Variants in SYTL5 observed in about 807,000 individuals in gnomAD.
The protein encoded by SYTL5 is synaptotagmin-like protein 5.
A neutral mutation model predicts 55.9 loss-of-function variants in SYTL5; 34 were observed. The observed-to-expected ratio is 0.61, with a 90% CI of 0.46 to 0.81. The LOEUF (loss-of-function observed/expected upper bound fraction) is 0.81. Among genes scored for constraint, SYTL5 ranks in the 30% least tolerant of loss-of-function variants. The pLI, the probability that SYTL5 is intolerant of heterozygous loss-of-function variation, is 0.00. For synonymous variants in SYTL5, 221 were observed against 188.7 expected (o/e 1.17, Z -1.40); for missense variants, 637 against 546.7 (o/e 1.17, Z -1.65).
At chrX:37,948,353 G>C in the SYTL5 span, among the ~76,000 whole-genome samples, 1 of 109,672 alleles carries the variant, frequency 9.1e-6, no homozygotes, top group Non-Finnish European at 1.9e-5. Context: ...CTAAGCATTA[G>C]TTTTATGTTT....
In SYTL5 at chrX:38,120,377, T is replaced by C; in HGVS notation, c.1616T>C (p.Ile539Thr). 1 of 1,210,294 alleles carries C rather than the reference T, an allele frequency of 8.3e-7. No homozygotes were observed. The highest frequency in any genetic ancestry group is 1.1e-6 in the Non-Finnish European group (1 of 894,224). ...GGCCAGGTGGAGTTTGCTCCTGATA[T>C]TGGCCTTCAATACAAAGGAGAGCTG... ...LQPKVEFAPDIGLQYKGELTV... is the reference protein window; with the variant it reads ...LQPKVEFAPDTGLQYKGELTV... Residue 539 changes from isoleucine to threonine, a missense_variant, in exon 14 of 17, where the codon ATT becomes ACT. Ile to Thr is a moderately conservative substitution (Grantham distance 89, BLOSUM62 -1). Transcript: ENST00000297875.
the SYTL5 span, among the ~76,000 whole-genome samples, chrX:37,891,249 T>A: frequency 1.8e-5 from 2 of 112,277 alleles, no homozygotes; most frequent in Non-Finnish European, 3.8e-5. Context: ...AATTCATTAA[T>A]GTATAAATAA....
chrX:38,089,658 G>C, intron 7 of SYTL5, 71 bp downstream of exon 7: 2 of 1,058,424 alleles, frequency 1.9e-6, no homozygotes, highest in Non-Finnish European at 2.5e-6. Flanking sequence ...GCCAGAGATT[G>C]GGTAATTTAT....
At chrX:37,997,234 G>T in the SYTL5 span, among the ~76,000 whole-genome samples, 3 of 112,212 alleles carry the variant, frequency 2.7e-5, no homozygotes, top group Non-Finnish European at 3.8e-5. Flanking sequence ...ACACTTTGTG[G>T]AGCTGGTGGG....
chrX:38,066,158 A>T (rs1936095697), intron 3 of SYTL5, among the ~76,000 whole-genome samples: 1 of 111,900 alleles, frequency 8.9e-6, no homozygotes, highest in Non-Finnish European at 1.9e-5. Context: ...TTTCCTTATG[A>T]ATAATAGAAA....
At chrX:38,003,524 G>A (rs982803665), upstream of SYTL5, among the ~76,000 whole-genome samples, 14 of 111,369 alleles carry the variant, frequency 1.3e-4, no homozygotes, top group African/African-American at 3.3e-4. Flanking sequence ...TACAAGGGAC[G>A]TGAAGGACCT....
the SYTL5 span, chrX:37,994,253 A>C: frequency 8.9e-6 from 1 of 112,364 alleles, no homozygotes; most frequent in South Asian, 3.7e-4. Flanking sequence ...ATAGGGATAC[A>C]GTGGGTGGCA....
the SYTL5 span, among the ~76,000 whole-genome samples, chrX:37,910,967 C>T: frequency 9.7e-5 from 8 of 82,730 alleles, no homozygotes; most frequent in Admixed American, 2.6e-4. Flanking sequence ...GATAGCATTA[C>T]TTTTTTTTTT....
intron 10 of SYTL5, among the ~76,000 whole-genome samples, chrX:38,106,082 G>A (rs1442948282): frequency 8.9e-6 from 1 of 111,881 alleles, no homozygotes; most frequent in Non-Finnish European, 1.9e-5. Flanking sequence ...TGTTAAAGCT[G>A]TAGTTATGGC....
At position 38,089,073 on chromosome X, in the gene SYTL5, G is replaced by A. The variant is rs1251780164; in HGVS notation, c.690-373G>A. Among the ~76,000 whole-genome samples the A allele has an allele frequency of 5.3e-5, 6 of 112,318 alleles. No individual in the cohort carries two copies. The East Asian group carries it at 1.7e-3, about 31-fold the overall frequency. Reference sequence around the variant, plus strand: ...TGAGAAAGATGTGTATAGACAGAGAGTGGTTAAGAGGGCATAACAAGTGGA... The same window carrying A: ...TGAGAAAGATGTGTATAGACAGAGAATGGTTAAGAGGGCATAACAAGTGGA... On this transcript the variant is annotated intron_variant, in intron 6 of 16. Transcript: ENST00000297875.
At chrX:37,934,813 T>C in the SYTL5 span, among the ~76,000 whole-genome samples, 3 of 109,956 alleles carry the variant, frequency 2.7e-5, no homozygotes, top group South Asian at 1.2e-3. Context: ...TTTGTATTTT[T>C]AGTAGAGGTG....
the SYTL5 span, among the ~76,000 whole-genome samples, chrX:37,992,860 C>T: frequency 8.9e-6 from 1 of 111,973 alleles, no homozygotes; most frequent in Non-Finnish European, 1.9e-5. Context: ...TTTACATAAT[C>T]ACACAATCAG....
chrX:37,945,755 G>C, the SYTL5 span: 2 of 113,100 alleles, frequency 1.8e-5, no homozygotes, highest in East Asian at 5.5e-4. Context: ...TATTAGGTAT[G>C]ATTTACTCAT....
At chrX:38,033,026 G>A (rs1935002878) in intron 1 of SYTL5, among the ~76,000 whole-genome samples, 1 of 112,148 alleles carries the variant, frequency 8.9e-6, no homozygotes, top group Non-Finnish European at 1.9e-5. Flanking sequence ...CACCCAGCCT[G>A]TAACTTAATT....
rs982355651 is a variant in SYTL5, at chrX:38,112,734, G to A, written c.1596+2252G>A. Among the ~76,000 whole-genome samples the A allele has an allele frequency of 5.4e-5, 6 of 111,946 alleles. No individual in the cohort carries two copies. The East Asian group carries it at 1.7e-3, about 31-fold the overall frequency. On this transcript the variant is annotated intron_variant, in intron 13 of 16. Coordinates refer to ENST00000297875, the MANE Select transcript of SYTL5 (RefSeq NM_138780.3). Reference sequence around the variant, plus strand: ...CATTAGTGGCTCATCCCCAGGCTGAGCTGGGCTCTGTGTGGTTGATTATCA... The same window carrying A: ...CATTAGTGGCTCATCCCCAGGCTGAACTGGGCTCTGTGTGGTTGATTATCA...
At chrX:37,994,312 G>A in the SYTL5 span, 1 of 112,523 alleles carries the variant, frequency 8.9e-6, no homozygotes, top group Admixed American at 9.4e-5. Context: ...AAATCAAGCT[G>A]TGCCAATTGG....
At chrX:37,914,486 C>CA in the SYTL5 span, among the ~76,000 whole-genome samples, 1 of 109,833 alleles carries the variant, frequency 9.1e-6, no homozygotes, top group Admixed American at 9.7e-5. Context: ...TTATAAAGCC[C>CA]AAAAAAAAGC....
chrX:37,944,554 C>T, the SYTL5 span, among the ~76,000 whole-genome samples: 2 of 111,618 alleles, frequency 1.8e-5, no homozygotes, highest in Non-Finnish European at 3.8e-5. Flanking sequence ...GTCCCCTGCA[C>T]TTGCCAGACA....
the SYTL5 span, among the ~76,000 whole-genome samples, chrX:37,891,667 G>A: frequency 2.7e-5 from 3 of 110,918 alleles, no homozygotes; most frequent in South Asian, 7.5e-4. Context: ...ACATACATAC[G>A]TGTGTGTGTG....
Sources: allele counts gnomAD v4.1 joint callset (sites outside exome capture counted in the v4.1 genomes callset), GRCh38; gene constraint gnomAD v4.1.1; transcripts MANE v1.5; gene names NCBI Gene and HGNC (gene_info 2026-07-23, HGNC 2026-07-21).